ITGBL1: variants seen among roughly 807,000 people sequenced by gnomAD.
ITGBL1 encodes integrin subunit beta like 1, also known as integrin beta-like protein 1.
ITGBL1 carries 51 observed loss-of-function variants against 68.5 expected under a neutral mutation model. That is an observed-to-expected ratio of 0.74 (90% CI 0.59 to 0.94). The LOEUF is 0.94. ITGBL1 is among the 40% of genes least tolerant of loss of function. ITGBL1 has a pLI of 0.00. For missense variants in ITGBL1, 649 were observed against 647.4 expected (o/e 1.00, Z -0.03); for synonymous variants, 209 against 227.3 (o/e 0.92, Z 0.72).
chr13:101,669,015 C>A (rs1233283156), intron 7 of ITGBL1, among the ~76,000 whole-genome samples: 1 of 151,980 alleles, frequency 6.6e-6, no homozygotes, highest in Non-Finnish European at 1.5e-5. Flanking sequence ...ACCTCCTAGG[C>A]TTTAACTAGA....
chr13:101,637,177 G>A (rs948649448), intron 7 of ITGBL1, among the ~76,000 whole-genome samples: 10 of 152,032 alleles, frequency 6.6e-5, no homozygotes, highest in Non-Finnish European at 1.5e-4. Context: ...TGACTTGGAG[G>A]TGATGATATT....
At chr13:101,720,763 A>ATGAC (rs1429535727), downstream of ITGBL1, 28 of 152,262 alleles carry the variant, frequency 1.8e-4, no homozygotes, top group African/African-American at 6.0e-4. Flanking sequence ...AGGCTTCAAG[A>ATGAC]TGACATAACA....
intron 2 of ITGBL1, 126 bp from the exon 3 acceptor site, chr13:101,567,573 A>G (rs1454845342): frequency 1.1e-5 from 9 of 786,606 alleles, no homozygotes; most frequent in South Asian, 2.2e-5. Flanking sequence ...AGCCACTGCG[A>G]TATACATGAG....
At chr13:101,492,211 C>A (rs969982834) in intron 2 of ITGBL1, among the ~76,000 whole-genome samples, 2 of 152,084 alleles carry the variant, frequency 1.3e-5, no homozygotes, top group African/African-American at 4.8e-5. Flanking sequence ...TGGAAGACAG[C>A]GTGGTGATTC....
downstream of ITGBL1, chr13:101,717,522 A>C (rs926307953): frequency 2.6e-5 from 4 of 152,180 alleles, no homozygotes; most frequent in Non-Finnish European, 5.9e-5. Flanking sequence ...GTATTCGCTG[A>C]TGCACAGACA....
chr13:101,597,843 C>T (rs1047966317), intron 6 of ITGBL1, among the ~76,000 whole-genome samples: 4 of 152,198 alleles, frequency 2.6e-5, no homozygotes, highest in Middle Eastern at 6.8e-3. Context: ...TGAGCCACAG[C>T]GCCCGGCCCA....
intron 8 of ITGBL1, among the ~76,000 whole-genome samples, chr13:101,696,415 C>A (rs1053878200): frequency 3.9e-5 from 6 of 152,136 alleles, no homozygotes; most frequent in Non-Finnish European, 7.4e-5. Flanking sequence ...TTGTCTTGAC[C>A]AGTTGTCTCC....
chr13:101,596,617 A>C (rs567990424), intron 6 of ITGBL1, among the ~76,000 whole-genome samples: 2 of 152,278 alleles, frequency 1.3e-5, no homozygotes, highest in African/African-American at 4.8e-5. Context: ...ACCTCTTCTG[A>C]ATTCTAGATT....
At position 101,574,802 on chromosome 13, in the gene ITGBL1, G is replaced by A. The variant is rs947606663; in HGVS notation, c.464-622G>A. Among the ~76,000 whole-genome samples the A allele has an allele frequency of 4.6e-5, 7 of 152,128 alleles. No individual in the cohort carries two copies. The South Asian group carries it at 1.0e-3, about 23-fold the overall frequency. On this transcript the variant is annotated intron_variant, in intron 3 of 10. Transcript: ENST00000376180. Reference sequence around the variant, plus strand: ...CAGATGACTACCATGCCTCTCTAACGTGGAGGTCCCCTGAGAATCTGGTGA... The same window carrying A: ...CAGATGACTACCATGCCTCTCTAACATGGAGGTCCCCTGAGAATCTGGTGA...
rs1290864217 is a variant in ITGBL1 at position 101,452,854 on chromosome 13, G to A, written c.21G>A (p.Arg7=). 1.9e-6 allele frequency: 3 copies of A among 1,614,004 alleles called. No individual in the cohort carries two copies. In the Admixed American group the frequency reaches 5.0e-5, roughly 27 times the overall value. ...TCAGCATGCGTCCCCCAGGCTTCAGGAACTTCTTGCTGCTGGCGTCCTCCC... is the reference window on the plus strand; with the variant it reads ...TCAGCATGCGTCCCCCAGGCTTCAGAAACTTCTTGCTGCTGGCGTCCTCCC... MRPPGF[R]NFLLLASSLL... The change falls in exon 1 of 11, where the codon AGG becomes AGA. Residue 7 remains arginine (R), a synonymous_variant. Transcript: ENST00000376180.
intron 9 of ITGBL1, among the ~76,000 whole-genome samples, chr13:101,708,062 C>CGT: frequency 6.8e-6 from 1 of 148,102 alleles, no homozygotes; most frequent in Middle Eastern, 3.5e-3. Flanking sequence ...CACACACACA[C>CGT]ACACACATAC....
intron 7 of ITGBL1, among the ~76,000 whole-genome samples, chr13:101,692,138 ATTAC>A (rs2033895247): frequency 6.6e-6 from 1 of 152,194 alleles, no homozygotes; most frequent in Middle Eastern, 3.2e-3. Context: ...ACATTGAAAT[ATTAC>A]CTATGACCAC....
intron 8 of ITGBL1, among the ~76,000 whole-genome samples, chr13:101,701,002 AT>A (rs2034123970): frequency 1.3e-5 from 2 of 152,312 alleles, no homozygotes; most frequent in South Asian, 4.1e-4. Context: ...GCCAATGCCT[AT>A]TTTACTTACT....
chr13:101,577,847 G>T (rs577410342), intron 4 of ITGBL1, among the ~76,000 whole-genome samples: 5 of 152,060 alleles, frequency 3.3e-5, no homozygotes, highest in African/African-American at 1.2e-4. Context: ...AAGATATATA[G>T]ATGATATATT....
intron 2 of ITGBL1, among the ~76,000 whole-genome samples, chr13:101,482,514 C>T (rs1057510345): frequency 6.6e-6 from 1 of 151,766 alleles, no homozygotes; most frequent in Non-Finnish European, 1.5e-5. Context: ...TTTTATGTAC[C>T]TATGACATTT....
intron 7 of ITGBL1, among the ~76,000 whole-genome samples, chr13:101,661,028 G>A (rs1228337154): frequency 1.3e-5 from 2 of 151,834 alleles, no homozygotes; most frequent in Non-Finnish European, 2.9e-5. Context: ...ATATGAAACA[G>A]GACTAAGGAA....
intron 2 of ITGBL1, among the ~76,000 whole-genome samples, chr13:101,486,625 A>T (rs1405778699): frequency 2.6e-5 from 4 of 152,234 alleles, no homozygotes. Flanking sequence ...AAAAATGATA[A>T]ATAATGCAAA....
At chr13:101,681,095 GTCAAAA>G (rs2033629293) in intron 7 of ITGBL1, among the ~76,000 whole-genome samples, 1 of 152,108 alleles carries the variant, frequency 6.6e-6, no homozygotes, top group Non-Finnish European at 1.5e-5. Context: ...ACAGTTGATA[GTCAAAA>G]TGTGTCTGGG....
intron 7 of ITGBL1, among the ~76,000 whole-genome samples, chr13:101,690,432 A>T (rs1187174653): frequency 1.3e-5 from 2 of 152,176 alleles, no homozygotes; most frequent in African/African-American, 4.8e-5. Context: ...ATACCCTGAA[A>T]CGTAGAAACT....
Sources: gnomAD v4.1 joint callset for allele counts (sites outside exome capture counted in the v4.1 genomes callset) on GRCh38, gnomAD v4.1.1 for gene constraint, MANE v1.5 for transcripts, NCBI Gene and HGNC (gene_info 2026-07-23, HGNC 2026-07-21) for gene names.